The following KMT2C variants were observed in gnomAD, a reference collection of about 807,000 sequenced individuals.
KMT2C encodes the protein lysine methyltransferase 2C.
A neutral mutation model predicts 507.9 loss-of-function variants in KMT2C; 88 were observed. The ratio of observed to expected loss-of-function variants is 0.17; its 90% confidence interval spans 0.15 to 0.21. The LOEUF is 0.21. KMT2C is among the 10% of genes least tolerant of loss of function. The pLI is 1.00. For synonymous variants in KMT2C, 2,049 were observed against 2,080.8 expected (o/e 0.98, Z 0.42); for missense variants, 4,954 against 5,957.8 (o/e 0.83, Z 5.55).
chr7:152,423,970 T>C (rs1283503042), intron 1 of KMT2C, among the ~76,000 whole-genome samples: 1 of 152,242 alleles, frequency 6.6e-6, no homozygotes, highest in African/African-American at 2.4e-5. Flanking sequence ...CATTTTTAAA[T>C]ACTATTTAAA....
intron 14 of KMT2C, among the ~76,000 whole-genome samples, chr7:152,241,962 T>C (rs1269067814): frequency 1.3e-5 from 2 of 152,076 alleles, no homozygotes; most frequent in Admixed American, 6.5e-5. Context: ...TGTAATTTTA[T>C]AGTTCTGAAG....
intron 28 of KMT2C, 91 bp downstream of exon 28, chr7:152,195,816 A>G: frequency 1.5e-6 from 1 of 664,536 alleles, no homozygotes; most frequent in Non-Finnish European, 2.3e-6. Flanking sequence ...AGTTACTGGG[A>G]AACAGACAAA....
At chr7:152,359,137 CAGATGACTAAAAA>C (rs1339275916) in intron 1 of KMT2C, among the ~76,000 whole-genome samples, 1 of 151,822 alleles carries the variant, frequency 6.6e-6, no homozygotes, top group East Asian at 1.9e-4. Flanking sequence ...GACTGTGATG[CAGATGACTAAAAA>C]ACAAAATTTT....
chr7:152,268,252 C>T (rs1186844263), intron 7 of KMT2C, among the ~76,000 whole-genome samples: 2 of 151,992 alleles, frequency 1.3e-5, no homozygotes, highest in Non-Finnish European at 2.9e-5. Context: ...GCACTCCAGC[C>T]TGGGGGACAG....
At chr7:152,363,898 CA>C (rs1459542441) in intron 1 of KMT2C, among the ~76,000 whole-genome samples, 1 of 152,170 alleles carries the variant, frequency 6.6e-6, no homozygotes, top group Non-Finnish European at 1.5e-5. Flanking sequence ...GAACAATTCC[CA>C]GAGCTCACAG....
rs1383545815 is a variant in KMT2C, at chr7:152,247,972, G to C, written c.2462C>G (p.Pro821Arg). 1 of 1,614,258 alleles carries C rather than the reference G, an allele frequency of 6.2e-7. No individual in the cohort carries two copies. The highest frequency in any genetic ancestry group is 2.2e-5 in the East Asian group (1 of 44,890). ...IMPTTYISVT[P>R]KIGMGKPAIT... is the part of the protein sequence containing the mutation. ...AGCTGGTTTACCCATGCCAATTTTTGGAGTGACTGAGATGTAAGTTGTTGG... is the reference window on the plus strand; with the variant it reads ...AGCTGGTTTACCCATGCCAATTTTTCGAGTGACTGAGATGTAAGTTGTTGG... The change falls in exon 14 of 59, where the codon CCA (proline) becomes CGA (arginine). Residue 821 changes from proline to arginine, a missense_variant. Transcript: ENST00000262189.
chr7:152,274,070 C>T (rs1024835092), intron 6 of KMT2C, among the ~76,000 whole-genome samples: 1 of 152,044 alleles, frequency 6.6e-6, no homozygotes, highest in African/African-American at 2.4e-5. Context: ...CTCATCCTTC[C>T]ATTCAAATTA....
chr7:152,206,500 C>A (rs1368338166), intron 24 of KMT2C, among the ~76,000 whole-genome samples: 1 of 152,024 alleles, frequency 6.6e-6, no homozygotes, highest in Non-Finnish European at 1.5e-5. Flanking sequence ...TAAGAAAGTT[C>A]TTCCTTCCAT....
In KMT2C at chr7:152,138,168, G is replaced by A. The variant is rs2090100044; in HGVS notation, c.14643+628C>T. 1 of 152,274 alleles carries A rather than the reference G, an allele frequency of 6.6e-6. No homozygotes were observed. The highest frequency in any genetic ancestry group is 1.5e-5 in the Non-Finnish European group (1 of 68,104). 9.4% of individuals were successfully genotyped at this position (152,274 alleles called of 1,614,324 possible). A position where few individuals can be genotyped will look rare whatever the true frequency, so the allele number is the denominator to read the frequency against. On this transcript the variant is annotated intron_variant, in intron 58 of 58. Coordinates refer to ENST00000262189, the MANE Select transcript of KMT2C (RefSeq NM_170606.3). The surrounding 1 kb of genome is among the most constrained non-coding windows in gnomAD (Gnocchi z 4.2). ...GGAAAGACCAAGGTGGGAAGCAAAT[G>A]CAGCAATTAAGGCCAAAAATAATCC...
intron 18 of KMT2C, among the ~76,000 whole-genome samples, chr7:152,229,059 T>A (rs1223460980): frequency 6.6e-6 from 1 of 152,238 alleles, no homozygotes; most frequent in Admixed American, 6.5e-5. Flanking sequence ...ACTGACATTT[T>A]ACTGACAATG....
intron 1 of KMT2C, among the ~76,000 whole-genome samples, chr7:152,399,240 T>C (rs2116596851): frequency 6.6e-6 from 1 of 152,306 alleles, no homozygotes; most frequent in African/African-American, 2.4e-5. Flanking sequence ...ATCTAAATAA[T>C]TATTAGTTTT....
At chr7:152,363,094 C>A (rs928136166) in intron 1 of KMT2C, among the ~76,000 whole-genome samples, 1 of 152,344 alleles carries the variant, frequency 6.6e-6, no homozygotes, top group Non-Finnish European at 1.5e-5. Context: ...AAAACCCTAT[C>A]AGTTGCCAAC....
At chr7:152,197,142 G>T (rs574940437) in intron 27 of KMT2C, among the ~76,000 whole-genome samples, 1 of 152,286 alleles carries the variant, frequency 6.6e-6, no homozygotes, top group African/African-American at 2.4e-5. Context: ...AGTCTGAGAG[G>T]TGAGGTGATG....
chr7:152,286,520 T>C (rs1298487809), intron 6 of KMT2C, among the ~76,000 whole-genome samples: 1 of 152,312 alleles, frequency 6.6e-6, no homozygotes, highest in Admixed American at 6.5e-5. Flanking sequence ...ATGCAACATC[T>C]TTTAAATGCT....
chr7:152,361,139 AAGGCAG>A, intron 1 of KMT2C, among the ~76,000 whole-genome samples: 1 of 152,204 alleles, frequency 6.6e-6, no homozygotes, highest in East Asian at 1.9e-4. Flanking sequence ...AAGGGGAAAG[AAGGCAG>A]AACTAAATAA....
rs565511420 is a variant in KMT2C, at chr7:152,274,714, T to C, written c.850-847A>G. Among the ~76,000 whole-genome samples the C allele has an allele frequency of 2.2e-4, 34 of 152,328 alleles. No individual in the cohort carries two copies. The South Asian group carries it at 6.2e-3, about 28-fold the overall frequency. ...GCCCTGTACTATACAGTATGACATCTCTCTGTGGGAAATGACTATCTAACA... is the reference window on the plus strand; with the variant it reads ...GCCCTGTACTATACAGTATGACATCCCTCTGTGGGAAATGACTATCTAACA... On this transcript the variant is annotated intron_variant, in intron 6 of 58. Transcript: ENST00000262189.
At chr7:152,280,266 G>A (rs1001712343) in intron 6 of KMT2C, among the ~76,000 whole-genome samples, 2 of 152,114 alleles carry the variant, frequency 1.3e-5, no homozygotes, top group African/African-American at 4.8e-5. Context: ...AGCTCAGCAG[G>A]GTGCGGTGGC....
chr7:152,197,225 C>T (rs2093989766), intron 27 of KMT2C, among the ~76,000 whole-genome samples: 1 of 151,940 alleles, frequency 6.6e-6, no homozygotes, highest in Non-Finnish European at 1.5e-5. Context: ...CAGACACAAA[C>T]GTGGATGAAT....
In KMT2C at chr7:152,222,073, C is replaced by T. The variant is rs573915759; in HGVS notation, c.3434-7G>A. On this transcript the variant is annotated splice_region_variant and splice_polypyrimidine_tract_variant and intron_variant, in intron 21 of 58. Coordinates refer to ENST00000262189, the MANE Select transcript of KMT2C (RefSeq NM_170606.3). ...CAGCAGTCTGAGGAAGGCACTGAAACGAAAAAAAAAAATCCAGGTAATTCT... is the reference window on the plus strand; with the variant it reads ...CAGCAGTCTGAGGAAGGCACTGAAATGAAAAAAAAAAATCCAGGTAATTCT... 1.9e-5 allele frequency: 29 copies of T among 1,537,400 alleles called. No homozygotes were observed. The highest frequency in any genetic ancestry group is 2.4e-5 in the East Asian group (1 of 42,378).
Sources: allele counts gnomAD v4.1 joint callset (sites outside exome capture counted in the v4.1 genomes callset), GRCh38; gene constraint gnomAD v4.1.1; non-coding constraint Gnocchi (gnomAD v3.1); transcripts MANE v1.5; gene names NCBI Gene and HGNC (gene_info 2026-07-23, HGNC 2026-07-21).